Variants in FHOD3 observed in about 807,000 individuals in gnomAD.
The protein encoded by FHOD3 is formin homology 2 domain containing 3, also known as FH1/FH2 domain-containing protein 3.
FHOD3 carries 90 observed loss-of-function variants against 173.0 expected under a neutral mutation model. That is an observed-to-expected ratio of 0.52 (90% CI 0.44 to 0.62). The LOEUF is 0.62. Ranked by LOEUF, FHOD3 falls within the 20% of genes least tolerant of loss-of-function variation. The pLI is 0.00. For synonymous variants in FHOD3, 828 were observed against 823.0 expected (o/e 1.01, Z -0.10); for missense variants, 1,945 against 2,034.7 (o/e 0.96, Z 0.85).
At chr18:36,528,474 C>A (rs1030993637) in intron 5 of FHOD3, among the ~76,000 whole-genome samples, 3 of 152,136 alleles carry the variant, frequency 2.0e-5, no homozygotes, top group African/African-American at 7.2e-5. Flanking sequence ...CTTCTTTTTC[C>A]TATGTAAAGG....
intron 10 of FHOD3, among the ~76,000 whole-genome samples, chr18:36,641,113 C>T (rs1439767696): frequency 6.6e-6 from 1 of 152,062 alleles, no homozygotes; most frequent in African/African-American, 2.4e-5. Flanking sequence ...GCTAGGTCCT[C>T]AGGGCCATGG....
At chr18:36,394,660 T>G (rs2146540076) in intron 3 of FHOD3, among the ~76,000 whole-genome samples, 2 of 152,358 alleles carry the variant, frequency 1.3e-5, no homozygotes, top group Middle Eastern at 6.8e-3. Flanking sequence ...TTTAGCTTCC[T>G]CTCTTAGTGG....
chr18:36,482,940 C>G (rs1568332426), intron 3 of FHOD3, among the ~76,000 whole-genome samples: 1 of 151,428 alleles, frequency 6.6e-6, no homozygotes, highest in Admixed American at 6.6e-5. Flanking sequence ...ATGCATGACT[C>G]AACTGCAGTT....
At chr18:36,526,753 T>A (rs1365536291) in intron 5 of FHOD3, among the ~76,000 whole-genome samples, 1 of 152,200 alleles carries the variant, frequency 6.6e-6, no homozygotes, top group African/African-American at 2.4e-5. Context: ...TAGTGTTTCA[T>A]GGGAATTTCA....
intron 19 of FHOD3, among the ~76,000 whole-genome samples, chr18:36,730,186 GC>G (rs544069324): frequency 1.3e-3 from 203 of 152,220 alleles, no homozygotes; most frequent in African/African-American, 4.7e-3. Context: ...GGGCTGACAG[GC>G]CAATGGTGCT....
chr18:36,653,056 T>C lies in FHOD3; in HGVS notation c.1646+127T>C, dbSNP rs1026594275. On this transcript the variant is annotated intron_variant, in intron 12 of 28. Coordinates refer to ENST00000590592, the MANE Select transcript of FHOD3 (RefSeq NM_001281740.3). ...GGATTTCAGCCCAAGCAGGGAGCAG[T>C]TGTGGCATAAACTTAAGTTGCTGAC... 2.0e-5 allele frequency: 26 copies of C among 1,308,396 alleles called. No homozygotes were observed. In the South Asian group the frequency reaches 4.1e-4, roughly 20 times the overall value. The allele number at this position is 1,308,396 out of a possible 1,614,324, so 81.0% of individuals were successfully genotyped here.
intron 1 of FHOD3, among the ~76,000 whole-genome samples, chr18:36,303,096 A>T (rs1483775649): frequency 6.6e-6 from 1 of 152,188 alleles, no homozygotes; most frequent in Non-Finnish European, 1.5e-5. Context: ...TCATGAACTT[A>T]TGCTGGAGGC....
chr18:36,320,687 C>T (rs1356598758), intron 1 of FHOD3, among the ~76,000 whole-genome samples: 1 of 152,208 alleles, frequency 6.6e-6, no homozygotes, highest in African/African-American at 2.4e-5. Context: ...CTTTTTAAGA[C>T]TGGGTTCCTG....
At chr18:36,477,967 T>C (rs983536506) in intron 3 of FHOD3, among the ~76,000 whole-genome samples, 2 of 152,138 alleles carry the variant, frequency 1.3e-5, no homozygotes, top group Non-Finnish European at 2.9e-5. Flanking sequence ...TCCATGCCTC[T>C]CAACAGGTGG....
chr18:36,776,622 C>T (rs1336131650), intron 28 of FHOD3, among the ~76,000 whole-genome samples: 1 of 152,152 alleles, frequency 6.6e-6, no homozygotes, highest in Admixed American at 6.5e-5. Context: ...AGTAGAATTT[C>T]ATAAATGGGG....
chr18:36,444,788 C>T (rs1210126011), intron 3 of FHOD3, among the ~76,000 whole-genome samples: 2 of 152,084 alleles, frequency 1.3e-5, no homozygotes, highest in Non-Finnish European at 2.9e-5. Flanking sequence ...CTATTTATGA[C>T]ATCTGCATCA....
At chr18:36,536,618 C>T (rs1381004516) in intron 5 of FHOD3, among the ~76,000 whole-genome samples, 1 of 152,134 alleles carries the variant, frequency 6.6e-6, no homozygotes, top group African/African-American at 2.4e-5. Flanking sequence ...AGAGAAGCTA[C>T]CCTGAGCACA....
intron 3 of FHOD3, among the ~76,000 whole-genome samples, chr18:36,480,911 C>T (rs2053848293): frequency 2.0e-5 from 3 of 151,792 alleles, no homozygotes; most frequent in Admixed American, 1.3e-4. Flanking sequence ...TGAGCACTTC[C>T]TTCTTCATGG....
chr18:36,332,818 A>G (rs563904492), intron 1 of FHOD3, among the ~76,000 whole-genome samples: 2 of 152,324 alleles, frequency 1.3e-5, no homozygotes, highest in African/African-American at 4.8e-5. Flanking sequence ...GGCCCCAGCC[A>G]TAGAAATTCT....
Position 36,339,330 on chromosome 18 carries a change from C to G in FHOD3, c.166-16209C>G, listed in dbSNP as rs758002337. 2.6e-5 allele frequency among the ~76,000 whole-genome samples: 4 copies of G among 152,236 alleles called. No individual in the cohort carries two copies. In the Middle Eastern group the frequency reaches 0.01, roughly 388 times the overall value. On this transcript the variant is annotated intron_variant, in intron 1 of 28. Transcript: ENST00000590592. ...GCAGGCAGCAGCCAACTGGCTGCTTCGGGCTCATAGCCCAGAACCCAACAG... is the reference window on the plus strand; with the variant it reads ...GCAGGCAGCAGCCAACTGGCTGCTTGGGGCTCATAGCCCAGAACCCAACAG...
chr18:36,576,399 T>A (rs2058650718), intron 5 of FHOD3, 52 bp from the exon 6 acceptor site: 1 of 1,341,908 alleles, frequency 7.5e-7, no homozygotes, highest in Non-Finnish European at 1.1e-6. Context: ...TCACTGAAGA[T>A]TATATTTCTA....
At chr18:36,320,298 G>A (rs888114271) in intron 1 of FHOD3, among the ~76,000 whole-genome samples, 2 of 151,944 alleles carry the variant, frequency 1.3e-5, no homozygotes, top group Admixed American at 6.6e-5. Context: ...ATGATAAAGG[G>A]GATATCACCA....
intron 3 of FHOD3, among the ~76,000 whole-genome samples, chr18:36,460,410 T>C (rs2052480751): frequency 1.3e-5 from 2 of 152,232 alleles, no homozygotes; most frequent in Admixed American, 6.5e-5. Context: ...TGTAATCTAA[T>C]GCTATTTCAA....
intron 3 of FHOD3, among the ~76,000 whole-genome samples, chr18:36,375,628 G>T (rs1298689451): frequency 6.6e-6 from 1 of 152,176 alleles, no homozygotes; most frequent in African/African-American, 2.4e-5. Flanking sequence ...GTTAACTTTG[G>T]AATCCAGCAC....
Sources: allele counts gnomAD v4.1 joint callset (sites outside exome capture counted in the v4.1 genomes callset), GRCh38; gene constraint gnomAD v4.1.1; transcripts MANE v1.5; gene names NCBI Gene and HGNC (gene_info 2026-07-23, HGNC 2026-07-21).